FAM153A: variants seen among roughly 807,000 people sequenced by gnomAD.
The protein encoded by FAM153A is protein FAM153A.
FAM153A carries 12 observed loss-of-function variants against 48.1 expected under a neutral mutation model. The ratio of observed to expected loss-of-function variants is 0.25; its 90% CI spans 0.16 to 0.40. The LOEUF (loss-of-function observed/expected upper bound fraction) is 0.40, where lower values mean the gene tolerates loss of function less well. Among genes scored for constraint, FAM153A ranks in the 10% least tolerant of loss-of-function variants. The pLI is 1.00. For synonymous variants in FAM153A, 36 were observed against 118.2 expected, an observed-to-expected ratio of 0.30 and a Z score of 4.51; for missense variants, 111 against 345.8, an observed-to-expected ratio of 0.32 and a Z score of 5.38.
Position 177,713,257 on chromosome 5 carries a change from C to CTTT in FAM153A, c.*1392-90_*1392-88dup, listed in dbSNP as rs201370334. On this transcript the variant is annotated intron_variant and NMD_transcript_variant, in intron 26 of 26. Transcript: ENST00000360669. ...TACGTGTTTTCTTTTTCTTTCTTTT[C>CTTT]TTTTTTTTTTTTTTGAGGAGTCTCG... 544 of 138,844 alleles carry CTTT rather than the reference C, an allele frequency of 3.9e-3. 6 individuals carry two copies. Among genetic ancestry groups the CTTT allele is most frequent in the East Asian group, 6.6e-3 (32 of 4,816 alleles). 8.6% of individuals were successfully genotyped at this position (138,844 alleles called of 1,614,324 possible). A position where few individuals can be genotyped will look rare whatever the true frequency, so the allele number is the denominator to read the frequency against.
At chr5:177,755,024 A>G (rs1041173622), upstream of FAM153A, among the ~76,000 whole-genome samples, 1 of 151,958 alleles carries the variant, frequency 6.6e-6, no homozygotes, top group Non-Finnish European at 1.5e-5. Flanking sequence ...GATTCAGATG[A>G]TCAAACTTCT....
exon 27 of FAM153A, chr5:177,711,735 C>G (rs1394193211): frequency 6.6e-6 from 1 of 151,748 alleles, no homozygotes; most frequent in Non-Finnish European, 1.5e-5. Context: ...TTAAACAAAC[C>G]AGAGAATAAG....
chr5:177,783,054 G>A (rs1360223809), upstream of FAM153A: 37 of 93,968 alleles, frequency 3.9e-4, 1 homozygote, highest in African/African-American at 1.3e-3. Context: ...CGCGGCCACC[G>A]GAGTGGCTTC....
At chr5:177,758,947 A>G (rs1389629024) in intron 1 of FAM153A, among the ~76,000 whole-genome samples, 1 of 151,808 alleles carries the variant, frequency 6.6e-6, no homozygotes, top group Non-Finnish European at 1.5e-5. Context: ...ACCAAAAGCA[A>G]TGACAATGAA....
Position 177,778,609 on chromosome 5 carries a change from A to T in FAM153A, c.-57+1840T>A, listed in dbSNP as rs1425965914. Among the ~76,000 whole-genome samples, 57 of 91,252 alleles carry T rather than the reference A, an allele frequency of 6.2e-4. 18 individuals are homozygous for T. The highest frequency in any genetic ancestry group is 2.2e-5 in the Non-Finnish European group (1 of 45,410). 59.9% of individuals were successfully genotyped at this position (91,252 alleles called of 152,430 possible). ...GGGCAATATAGTGAGGAAAAAAAAA[A>T]CCTTAAAAGGAAAATTAGCCAAGTG... On this transcript the variant is annotated intron_variant, in intron 1 of 8. Transcript: ENST00000393518.
chr5:177,703,088 A>G (rs1582081802), downstream of FAM153A, among the ~76,000 whole-genome samples: 1 of 152,150 alleles, frequency 6.6e-6, no homozygotes, highest in Admixed American at 6.5e-5. Context: ...AGAATGGTAG[A>G]TCCACCAGCA....
At chr5:177,757,979 G>T (rs1301829912), upstream of FAM153A, among the ~76,000 whole-genome samples, 699 of 151,018 alleles carry the variant, frequency 4.6e-3, no homozygotes, top group African/African-American at 0.016. Context: ...TCTGGCCAGG[G>T]CAATCAGGCA....
At chr5:177,703,140 C>T (rs551915680), downstream of FAM153A, among the ~76,000 whole-genome samples, 1 of 152,184 alleles carries the variant, frequency 6.6e-6, no homozygotes, top group Non-Finnish European at 1.5e-5. Flanking sequence ...TACTCAAAAC[C>T]AGCCCTTGAG....
At chr5:177,754,404 C>T (rs940292882), upstream of FAM153A, among the ~76,000 whole-genome samples, 5 of 151,780 alleles carry the variant, frequency 3.3e-5, no homozygotes, top group Admixed American at 1.3e-4. Flanking sequence ...GACTCCACCT[C>T]TGGGGGCAGG....
At chr5:177,696,068 TG>T in the FAM153A span, among the ~76,000 whole-genome samples, 1 of 72,682 alleles carries the variant, frequency 1.4e-5, no homozygotes, top group African/African-American at 5.5e-5. Context: ...TCCCAGATGA[TG>T]GGCGGCCGGG....
In FAM153A at chr5:177,769,261, C is replaced by A. The variant is rs13358518; in HGVS notation, c.-57+11188G>T. Among the ~76,000 whole-genome samples, 6 of 91,958 alleles carry A rather than the reference C, an allele frequency of 6.5e-5. 1 individual carries two copies. Among genetic ancestry groups the A allele is most frequent in the Admixed American group, 1.1e-4 (1 of 8,880 alleles). The allele number at this position is 91,958 out of a possible 152,430, so 60.3% of individuals were successfully genotyped here. On this transcript the variant is annotated intron_variant, in intron 1 of 8. Transcript: ENST00000393518. Reference sequence around the variant, plus strand: ...AAAAAAAAAAAAAAAGGGTGAGAACCGTGCAATATATTTCAAGAGACCACA... The same window carrying A: ...AAAAAAAAAAAAAAAGGGTGAGAACAGTGCAATATATTTCAAGAGACCACA...
At chr5:177,781,264 A>ATTTTTTTTTTTTTTTTT (rs1303137176), upstream of FAM153A, among the ~76,000 whole-genome samples, 2 of 75,308 alleles carry the variant, frequency 2.7e-5, no homozygotes, top group African/African-American at 5.9e-5. Flanking sequence ...ACGCCCGGCT[A>ATTTTTTTTTTTTTTTTT]TTTTTTTTTT....
chr5:177,770,739 G>T lies in FAM153A; in HGVS notation c.-57+9710C>A, dbSNP rs1340172502. Among the ~76,000 whole-genome samples the T allele has an allele frequency of 2.1e-5, 2 of 97,208 alleles. 1 individual carries two copies. Among genetic ancestry groups the T allele is most frequent in the African/African-American group, 8.1e-5 (2 of 24,592 alleles). 63.8% of individuals were successfully genotyped at this position (97,208 alleles called of 152,430 possible). A position where few individuals can be genotyped will look rare whatever the true frequency, so the allele number is the denominator to read the frequency against. ...AAGAATGGAGCCTGATGTCAACTATGAACTTGGAGTGATTATAATGTGTCA... is the reference window on the plus strand; with the variant it reads ...AAGAATGGAGCCTGATGTCAACTATTAACTTGGAGTGATTATAATGTGTCA... On this transcript the variant is annotated intron_variant, in intron 1 of 8. Transcript: ENST00000393518.
the FAM153A span, among the ~76,000 whole-genome samples, chr5:177,700,071 A>G: frequency 6.6e-6 from 1 of 152,030 alleles, no homozygotes; most frequent in Non-Finnish European, 1.5e-5. Flanking sequence ...AATCAATATA[A>G]TACACCATAT....
downstream of FAM153A, among the ~76,000 whole-genome samples, chr5:177,709,606 C>T (rs1758209084): frequency 1.3e-5 from 2 of 148,862 alleles, no homozygotes; most frequent in Non-Finnish European, 3.0e-5. Flanking sequence ...CGTGATTCAC[C>T]CGCCTCGGCC....
chr5:177,765,220 G>A lies in FAM153A; in HGVS notation c.-57+15229C>T, dbSNP rs1302821331. ...CCTTTTGGCTGAGCCCTGTGAGGCA[G>A]CTATGGGCATCTGCACTTGGCCTAA... On this transcript the variant is annotated intron_variant, in intron 1 of 8. Transcript: ENST00000393518. 3.0e-5 allele frequency among the ~76,000 whole-genome samples: 3 copies of A among 99,258 alleles called. 1 individual carries two copies. The allele number at this position is 99,258 out of a possible 152,430, so 65.1% of individuals were successfully genotyped here.
intron 11 of FAM153A, 54 bp from the exon 14 acceptor site, chr5:177,736,663 C>T: frequency 6.3e-7 from 1 of 1,582,902 alleles, no homozygotes; most frequent in Non-Finnish European, 8.5e-7. Flanking sequence ...CCTGTGTGCA[C>T]AGGTCTTCTC....
intron 1 of FAM153A, among the ~76,000 whole-genome samples, chr5:177,760,220 C>A (rs1198414716): frequency 2.4e-5 from 3 of 122,808 alleles, no homozygotes; most frequent in South Asian, 2.7e-4. Context: ...CTCTTAATGC[C>A]AAATTGGGAA....
intron 10 of FAM153A, 59 bp downstream of exon 12, chr5:177,739,054 G>C: frequency 6.4e-7 from 1 of 1,566,234 alleles, no homozygotes. Context: ...GCAAGAACGT[G>C]TCACCTTTCT....
Sources: allele counts gnomAD v4.1 joint callset (sites outside exome capture counted in the v4.1 genomes callset), GRCh38; gene constraint gnomAD v4.1.1; transcripts MANE v1.5; gene names NCBI Gene and HGNC (gene_info 2026-07-23, HGNC 2026-07-21).